The following TAS1R2 variants were observed in gnomAD, a reference collection of about 807,000 sequenced individuals.
The protein encoded by TAS1R2 is taste receptor type 1 member 2.
A neutral mutation model predicts 49.3 loss-of-function variants in TAS1R2; 47 were observed. The observed-to-expected ratio is 0.95, with a 90% CI of 0.75 to 1.22. The LOEUF is 1.22. Among genes scored for constraint, TAS1R2 ranks in the 50% most tolerant of loss-of-function variants. TAS1R2 has a pLI of 0.00. For synonymous variants in TAS1R2, 479 were observed against 467.9 expected, an observed-to-expected ratio of 1.02 and a Z score of -0.31; for missense variants, 1,155 against 1,122.1, an observed-to-expected ratio of 1.03 and a Z score of -0.42.
rs766824438 is a variant in TAS1R2 at position 18,857,526 on chromosome 1, A to T, written c.288T>A (p.Tyr96Ter). The T allele has an allele frequency of 5.0e-6, 8 of 1,610,250 alleles. No homozygotes were observed. The highest frequency in any genetic ancestry group is 6.8e-6 in the Non-Finnish European group (8 of 1,176,490). Residue 96 changes from tyrosine (Y) to a stop codon, truncating the protein, a stop_gained, in exon 2 of 6, where the codon TAT becomes TAA. Transcript: ENST00000375371. LOFTEE classifies it high-confidence loss of function. ...AGATGTAGCACACATCCACGATCTC[A>T]TAGCCCAGCAGCACACCAGGCAGCA... is the stretch of plus-strand genomic sequence containing the variant.
Position 18,840,538 on chromosome 1 carries a change from C to T in TAS1R2, c.1592-11G>A. 3.1e-6 allele frequency: 5 copies of T among 1,614,108 alleles called. No homozygotes were observed. The highest frequency in any genetic ancestry group is 4.2e-6 in the Non-Finnish European group (5 of 1,179,994). On this transcript the variant is annotated splice_polypyrimidine_tract_variant and intron_variant, in intron 5 of 5. Coordinates refer to ENST00000375371, the Ensembl canonical transcript of TAS1R2. Reference sequence around the variant, plus strand: ...GGCATTCATATTCATCTGCAAAAGCCACAGCGACTCCCATTAGCCAAGCCC... The same window carrying T: ...GGCATTCATATTCATCTGCAAAAGCTACAGCGACTCCCATTAGCCAAGCCC...
At chr1:18,853,830 T>A (rs766128321) in intron 3 of TAS1R2, among the ~76,000 whole-genome samples, 1 of 152,172 alleles carries the variant, frequency 6.6e-6, no homozygotes, top group Non-Finnish European at 1.5e-5. Context: ...ATTTAAAGTC[T>A]ATGTCTGAAC....
Position 18,840,148 on chromosome 1 carries a change from G to T in TAS1R2, c.1971C>A (p.Cys657Ter), listed in dbSNP as rs201343907. 1.2e-6 allele frequency: 2 copies of T among 1,614,126 alleles called. No individual in the cohort carries two copies. The highest frequency in any genetic ancestry group is 1.7e-6 in the Non-Finnish European group (2 of 1,180,064). Residue 657 changes from cysteine to a stop codon, truncating the protein, a stop_gained, in exon 6 of 6, where the codon TGC becomes TGA. Transcript: ENST00000375371. LOFTEE classifies it low-confidence loss of function (END_TRUNC). Reference sequence around the variant, plus strand: ...GGAAGCGGCTGGCCATCTTGAAGGCGCAGACGATCTGGAAAGAACGCACGG... The same window carrying T: ...GGAAGCGGCTGGCCATCTTGAAGGCTCAGACGATCTGGAAAGAACGCACGG...
At position 18,841,871 on chromosome 1, in the gene TAS1R2, G is replaced by A. The variant is rs749897328; in HGVS notation, c.1468-19C>T. 1 of 1,568,626 alleles carries A rather than the reference G, an allele frequency of 6.4e-7. No homozygotes were observed. The highest frequency in any genetic ancestry group is 2.3e-5 in the East Asian group (1 of 43,504). ...TAGGGATCTGGAGGGAGGAGGGCAAGAGACCCTGAGTCCTCTTTTCCCACA... is the reference window on the plus strand; with the variant it reads ...TAGGGATCTGGAGGGAGGAGGGCAAAAGACCCTGAGTCCTCTTTTCCCACA... On this transcript the variant is annotated intron_variant, in intron 4 of 5. Coordinates refer to ENST00000375371, the Ensembl canonical transcript of TAS1R2.
chr1:18,857,208 G>A (rs925926664), intron 2 of TAS1R2, 123 bp downstream of exon 2: 4 of 1,141,240 alleles, frequency 3.5e-6, no homozygotes, highest in Middle Eastern at 3.0e-4. Context: ...CTGATGTCCT[G>A]ACCCTGCTTC....
chr1:18,846,953 A>G (rs955675873), intron 4 of TAS1R2, among the ~76,000 whole-genome samples: 10 of 152,156 alleles, frequency 6.6e-5, no homozygotes, highest in Non-Finnish European at 1.3e-4. Context: ...GGTCGTTTAA[A>G]TGTGTGTGAT....
intron 4 of TAS1R2, 147 bp from the exon 5 acceptor site, chr1:18,841,999 AC>A: frequency 1.1e-6 from 1 of 942,462 alleles, no homozygotes; most frequent in East Asian, 2.8e-5. Flanking sequence ...AAAAAAAAAA[AC>A]TCTCATGCTT....
In TAS1R2 at chr1:18,854,794, G is replaced by C; in HGVS notation, c.676C>G (p.Arg226Gly). ...ATGCAGATGTCGCGCCGGGCCACGC[G>C]CTCGCCAAGCAGCTGGCCATTGTCG... Residue 226 changes from arginine (R) to glycine (G), a missense_variant, in exon 3 of 6, where the codon CGC becomes GGC. Arg to Gly is a moderately radical substitution (Grantham distance 125). Coordinates refer to ENST00000375371, the Ensembl canonical transcript of TAS1R2. This position sits in a 1 kb window ranked among gnomAD's most constrained non-coding sequence, Gnocchi z 4.9. 1.2e-6 allele frequency: 2 copies of C among 1,605,152 alleles called. No homozygotes were observed. Among genetic ancestry groups the C allele is most frequent in the Non-Finnish European group, 1.7e-6 (2 of 1,178,514 alleles).
intron 4 of TAS1R2, among the ~76,000 whole-genome samples, chr1:18,846,302 C>T (rs1474585966): frequency 6.6e-6 from 1 of 152,212 alleles, no homozygotes; most frequent in Non-Finnish European, 1.5e-5. Flanking sequence ...CTCCTCCCTC[C>T]TCTGGGAGAC....
At chr1:18,841,650 G>A in intron 5 of TAS1R2, 79 bp downstream of exon 5, 2 of 1,532,072 alleles carry the variant, frequency 1.3e-6, no homozygotes, top group South Asian at 1.2e-5. Flanking sequence ...CTGCCAAGGA[G>A]GACAAGCCCT....
At chr1:18,859,540 G>C in exon 1 of TAS1R2, 1 of 1,614,220 alleles carries the variant, frequency 6.2e-7, no homozygotes, top group Non-Finnish European at 8.5e-7. Context: ...TTGGCATGGA[G>C]GGAGAAGAGG....
At chr1:18,855,575 C>A (rs536444949) in intron 2 of TAS1R2, among the ~76,000 whole-genome samples, 1 of 152,192 alleles carries the variant, frequency 6.6e-6, no homozygotes, top group Non-Finnish European at 1.5e-5. Context: ...CTGCTCTCCC[C>A]CTCCCTTGGT....
rs144433638 is a variant in TAS1R2, at chr1:18,854,297, C to T, written c.1173G>A (p.Ala391=). The T allele has an allele frequency of 3.7e-5, 60 of 1,614,130 alleles. No homozygotes were observed. In the African/African-American group the frequency reaches 4.3e-4, roughly 11 times the overall value. Reference sequence around the variant, plus strand: ...GCAGGGCATGGGCCACAGCATAGACCGCAGAGTACACGCTGTAGACGACAC... The same window carrying T: ...GCAGGGCATGGGCCACAGCATAGACTGCAGAGTACACGCTGTAGACGACAC... Residue 391 remains alanine (A), a synonymous_variant, in exon 3 of 6, where the codon GCG becomes GCA. Coordinates refer to ENST00000375371, the Ensembl canonical transcript of TAS1R2. The surrounding 1 kb of genome is among the most constrained non-coding windows in gnomAD (Gnocchi z 4.9).
chr1:18,857,757 C>T (rs1378620842), intron 1 of TAS1R2, 126 bp from the exon 2 acceptor site: 1 of 1,099,818 alleles, frequency 9.1e-7, no homozygotes, highest in African/African-American at 1.6e-5. Flanking sequence ...AGAGCCACTC[C>T]AGAAGACTCG....
intron 1 of TAS1R2, 86 bp downstream of exon 1, chr1:18,859,393 G>T (rs1934200128): frequency 4.0e-6 from 6 of 1,513,834 alleles, no homozygotes; most frequent in Non-Finnish European, 9.1e-7. Context: ...CCTTGGTCCT[G>T]GTCTGGCTCC....
intron 4 of TAS1R2, among the ~76,000 whole-genome samples, chr1:18,848,077 T>G (rs927003724): frequency 6.6e-6 from 1 of 152,306 alleles, no homozygotes; most frequent in Non-Finnish European, 1.5e-5. Context: ...GTGGGGATTA[T>G]GGGAGCTACA....
exon 1 of TAS1R2, chr1:18,859,535 A>G (rs1200727689): frequency 3.7e-6 from 6 of 1,614,182 alleles, no homozygotes; most frequent in Non-Finnish European, 5.1e-6. Flanking sequence ...TCATGTTGGC[A>G]TGGAGGGAGA....
rs371767994 is a variant in TAS1R2, at chr1:18,854,606, C to T, written c.864G>A (p.Val288=). The change falls in exon 3 of 6, where the codon GTG becomes GTA. Residue 288 remains valine, a synonymous_variant. Transcript: ENST00000375371. This position sits in a 1 kb window ranked among gnomAD's most constrained non-coding sequence, Gnocchi z 4.9. ...CGGCGCCAGTGAAGTTCTGGCGCAG[C>T]ACCTCATTGAAGAAGTGGTACAGGG... is the stretch of plus-strand genomic sequence containing the variant. 6.2e-7 allele frequency: 1 copy of T among 1,613,940 alleles called. No individual in the cohort carries two copies. The highest frequency in any genetic ancestry group is 8.5e-7 in the Non-Finnish European group (1 of 1,180,004).
chr1:18,844,548 G>A (rs1933882137), intron 4 of TAS1R2, among the ~76,000 whole-genome samples: 1 of 152,200 alleles, frequency 6.6e-6, no homozygotes, highest in African/African-American at 2.4e-5. Flanking sequence ...GAGGTCAGGA[G>A]TTCCAGACCA....
Sources: gnomAD v4.1 joint callset for allele counts (sites outside exome capture counted in the v4.1 genomes callset) on GRCh38, gnomAD v4.1.1 for gene constraint, Gnocchi (gnomAD v3.1) non-coding constraint, MANE v1.5 for transcripts, NCBI Gene and HGNC (gene_info 2026-07-23, HGNC 2026-07-21) for gene names.